PPARGC1A: variants seen among roughly 807,000 people sequenced by gnomAD.
PPARGC1A encodes the protein PPARG coactivator 1 alpha, also known as peroxisome proliferator-activated receptor gamma coactivator 1-alpha.
A neutral mutation model predicts 88.7 loss-of-function variants in PPARGC1A; 25 were observed. The observed-to-expected ratio is 0.28, with a 90% CI of 0.21 to 0.39. PPARGC1A has a LOEUF of 0.39. PPARGC1A is among the 10% of genes least tolerant of loss of function. The probability of loss-of-function intolerance (pLI) is 1.00; values close to 1 mark genes in which losing one functional copy is unlikely to be tolerated. For missense variants in PPARGC1A, 880 were observed against 968.7 expected (o/e 0.91, Z 1.22); for synonymous variants, 363 against 355.6 (o/e 1.02, Z -0.24).
chr4:23,952,985 T>C, the PPARGC1A span, among the ~76,000 whole-genome samples: 2 of 152,048 alleles, frequency 1.3e-5, no homozygotes, highest in Admixed American at 6.6e-5. Flanking sequence ...ACTACTATAA[T>C]GCATTACAAC....
intron 1 of PPARGC1A, among the ~76,000 whole-genome samples, chr4:23,898,294 C>T (rs1330441735): frequency 6.6e-6 from 1 of 152,152 alleles, no homozygotes; most frequent in African/African-American, 2.4e-5. Flanking sequence ...GATAGCGTTA[C>T]CTTTTCAACT....
the PPARGC1A span, among the ~76,000 whole-genome samples, chr4:24,350,107 T>G: frequency 6.6e-6 from 1 of 152,044 alleles, no homozygotes; most frequent in Admixed American, 6.5e-5. Context: ...GAGAGGAGGG[T>G]CTCCCTTTCC....
chr4:24,319,687 T>C, the PPARGC1A span, among the ~76,000 whole-genome samples: 1 of 152,228 alleles, frequency 6.6e-6, no homozygotes, highest in Non-Finnish European at 1.5e-5. Context: ...GAATTATATG[T>C]TCATACAACT....
the PPARGC1A span, among the ~76,000 whole-genome samples, chr4:24,333,802 C>T: frequency 4.0e-5 from 6 of 151,594 alleles, no homozygotes; most frequent in East Asian, 1.9e-4. Flanking sequence ...GGTGTAGTGG[C>T]GGGTGCCTGT....
chr4:24,334,616 TTC>T, the PPARGC1A span, among the ~76,000 whole-genome samples: 6 of 152,230 alleles, frequency 3.9e-5, no homozygotes, highest in Non-Finnish European at 8.8e-5. Flanking sequence ...TATCCACAGA[TTC>T]TGTTTTCCGA....
chr4:23,936,981 T>C, the PPARGC1A span, among the ~76,000 whole-genome samples: 1 of 152,062 alleles, frequency 6.6e-6, no homozygotes, highest in Middle Eastern at 3.4e-3. Context: ...AGGCATAGGC[T>C]TCTAGAAAAT....
chr4:24,385,630 T>G, the PPARGC1A span, among the ~76,000 whole-genome samples: 1 of 152,126 alleles, frequency 6.6e-6, no homozygotes, highest in Non-Finnish European at 1.5e-5. Context: ...GCAAATAGAC[T>G]AGAAAATCTG....
At chr4:24,084,745 G>GA in the PPARGC1A span, among the ~76,000 whole-genome samples, 41 of 152,012 alleles carry the variant, frequency 2.7e-4, no homozygotes, top group African/African-American at 9.9e-4. Flanking sequence ...TTCAACAAAT[G>GA]AAAAAAATGA....
chr4:23,916,305 A>G, the PPARGC1A span, among the ~76,000 whole-genome samples: 1 of 152,216 alleles, frequency 6.6e-6, no homozygotes, highest in Non-Finnish European at 1.5e-5. Flanking sequence ...TTTTAAATAA[A>G]TGACTATTGC....
chr4:24,315,889 G>A, the PPARGC1A span, among the ~76,000 whole-genome samples: 1 of 152,206 alleles, frequency 6.6e-6, no homozygotes. Context: ...CCAATCTGGA[G>A]TGCATGGGAC....
the PPARGC1A span, among the ~76,000 whole-genome samples, chr4:24,398,195 A>G: frequency 6.6e-6 from 1 of 152,236 alleles, no homozygotes; most frequent in Non-Finnish European, 1.5e-5. Context: ...ATAGAAAAAA[A>G]GATAGCATAT....
the PPARGC1A span, among the ~76,000 whole-genome samples, chr4:24,031,670 C>T: frequency 6.6e-6 from 1 of 152,184 alleles, no homozygotes; most frequent in Non-Finnish European, 1.5e-5. Context: ...TCCCTGGACT[C>T]CATCCACTAG....
the PPARGC1A span, among the ~76,000 whole-genome samples, chr4:23,979,671 G>T: frequency 3.9e-5 from 6 of 152,190 alleles, no homozygotes; most frequent in Admixed American, 2.0e-4. Flanking sequence ...CAACCCTGCG[G>T]GGGGGACAAG....
the PPARGC1A span, among the ~76,000 whole-genome samples, chr4:24,218,323 A>G: frequency 1.3e-5 from 2 of 152,260 alleles, no homozygotes; most frequent in Non-Finnish European, 2.9e-5. Context: ...CCTGGTACAC[A>G]AAAGATGAAA....
the PPARGC1A span, among the ~76,000 whole-genome samples, chr4:23,943,380 G>GT: frequency 3.7e-3 from 465 of 124,356 alleles, 3 homozygotes; most frequent in African/African-American, 0.013. Flanking sequence ...AAATTAAAAG[G>GT]TTTTTTTTTT....
chr4:24,175,437 C>G, the PPARGC1A span, among the ~76,000 whole-genome samples: 1 of 144,486 alleles, frequency 6.9e-6, no homozygotes, highest in East Asian at 2.1e-4. Context: ...CGTAGTGGCG[C>G]AATCTCAGCT....
the PPARGC1A span, among the ~76,000 whole-genome samples, chr4:24,414,380 C>A: frequency 1.3e-5 from 2 of 152,066 alleles, no homozygotes. Context: ...AGAGCAGTAG[C>A]AGTAGAAAAT....
chr4:24,248,012 G>A, the PPARGC1A span, among the ~76,000 whole-genome samples: 1 of 152,100 alleles, frequency 6.6e-6, no homozygotes, highest in Non-Finnish European at 1.5e-5. Flanking sequence ...ATTCCATAAA[G>A]GCCAGCATTT....
upstream of PPARGC1A, among the ~76,000 whole-genome samples, chr4:23,907,763 T>G (rs1720224436): frequency 6.6e-6 from 1 of 152,242 alleles, no homozygotes; most frequent in Admixed American, 6.5e-5. Context: ...GTTAGCTTTC[T>G]GTTCTCCTAA....
Sources: gnomAD v4.1 joint callset for allele counts (sites outside exome capture counted in the v4.1 genomes callset) on GRCh38, gnomAD v4.1.1 for gene constraint, MANE v1.5 for transcripts, NCBI Gene and HGNC (gene_info 2026-07-23, HGNC 2026-07-21) for gene names.